Variants in VGLL4 observed in about 807,000 individuals in gnomAD.
The protein encoded by VGLL4 is vestigial like family member 4, also known as transcription cofactor vestigial-like protein 4.
Under a neutral mutation model 21.0 loss-of-function variants are expected in VGLL4, and 7 were observed. That is an observed-to-expected ratio of 0.33 (90% CI 0.19 to 0.63). The LOEUF (loss-of-function observed/expected upper bound fraction) is 0.63. VGLL4 is among the 20% of genes least tolerant of loss of function. The pLI, the probability that VGLL4 is intolerant of heterozygous loss-of-function variation, is 0.78. For synonymous variants in VGLL4, 222 were observed against 173.2 expected, an observed-to-expected ratio of 1.28 and a Z score of -2.21; for missense variants, 394 against 425.7, an observed-to-expected ratio of 0.93 and a Z score of 0.66.
chr3:11,626,482 A>G, intron 1 of VGLL4: 6 of 452,638 alleles, frequency 1.3e-5, no homozygotes, highest in South Asian at 9.4e-5. Context: ...CTCATGACAC[A>G]AAAGATCTGG....
chr3:11,594,008 T>G (rs7628261), intron 2 of VGLL4, among the ~76,000 whole-genome samples: 78,254 of 152,108 alleles, frequency 0.51, 22,726 homozygotes, highest in Non-Finnish European at 0.68. Context: ...AAATATATAC[T>G]GCTGATCAAA....
chr3:11,581,900 G>A (rs755077640), intron 2 of VGLL4, among the ~76,000 whole-genome samples: 2 of 152,236 alleles, frequency 1.3e-5, no homozygotes, highest in Admixed American at 1.3e-4. Context: ...ATGCACCATT[G>A]TCTAGAGGCG....
At chr3:11,589,315 C>T (rs552249689) in intron 2 of VGLL4, among the ~76,000 whole-genome samples, 31 of 152,196 alleles carry the variant, frequency 2.0e-4, no homozygotes, top group South Asian at 1.2e-3. Flanking sequence ...TAAGCAGGCA[C>T]AGGGTCAAAG....
intron 2 of VGLL4, among the ~76,000 whole-genome samples, chr3:11,575,329 G>A (rs1455741155): frequency 6.6e-6 from 1 of 152,226 alleles, no homozygotes; most frequent in South Asian, 2.1e-4. Flanking sequence ...AGGGTTTCCA[G>A]TCACTGTGCT....
At chr3:11,608,781 T>C (rs2075000073) in intron 1 of VGLL4, among the ~76,000 whole-genome samples, 1 of 152,204 alleles carries the variant, frequency 6.6e-6, no homozygotes, top group African/African-American at 2.4e-5. Context: ...CAGCCAAGAT[T>C]GCTTCTTTTT....
intron 2 of VGLL4, among the ~76,000 whole-genome samples, chr3:11,567,108 T>C (rs2073572286): frequency 6.6e-6 from 1 of 152,086 alleles, no homozygotes; most frequent in South Asian, 2.1e-4. Flanking sequence ...GGCTGTGATG[T>C]TGTGATGTCA....
At chr3:11,701,171 G>A (rs1215171395) in intron 2 of VGLL4, among the ~76,000 whole-genome samples, 2 of 152,096 alleles carry the variant, frequency 1.3e-5, no homozygotes, top group Non-Finnish European at 1.5e-5. Context: ...TGGGTCATGG[G>A]GGTGGATCCC....
chr3:11,563,818 A>G (rs1366845828), intron 3 of VGLL4, among the ~76,000 whole-genome samples: 1 of 152,222 alleles, frequency 6.6e-6, no homozygotes, highest in African/African-American at 2.4e-5. Flanking sequence ...CTCTGAGGCA[A>G]GATGGGCAAC....
At chr3:11,687,978 CTTA>C (rs1296965679) in intron 2 of VGLL4, among the ~76,000 whole-genome samples, 40 of 152,060 alleles carry the variant, frequency 2.6e-4, no homozygotes, top group African/African-American at 9.7e-5. Context: ...TGATTTACAT[CTTA>C]TTGTTTTTAT....
At chr3:11,573,323 GAAAGAAAGAAAGAAAGAAAGAAAGAAAGA>G (rs2073913997) in intron 2 of VGLL4, among the ~76,000 whole-genome samples, 28 of 34,438 alleles carry the variant, frequency 8.1e-4, no homozygotes, top group East Asian at 4.3e-3. Context: ...AAGGAAGAAA[GAAAGAAAGAAAGAAAGAAAGAAAGAAAGA>G]AAGAAAGAAA....
chr3:11,671,429 A>C (rs749833177), intron 2 of VGLL4: 2 of 776,614 alleles, frequency 2.6e-6, no homozygotes, highest in African/African-American at 1.7e-5. Flanking sequence ...AGAGGTAGAA[A>C]ACACAGTTGT....
chr3:11,612,037 G>T (rs1047769755), intron 1 of VGLL4: 6 of 151,802 alleles, frequency 4.0e-5, no homozygotes, highest in African/African-American at 1.5e-4. Context: ...AATTTTACAG[G>T]GGCTGAAGGG....
In VGLL4 at chr3:11,643,793, C is replaced by A; in HGVS notation, c.-275G>T. The A allele has an allele frequency of 1.7e-6, 2 of 1,157,504 alleles. No individual in the cohort carries two copies. Among genetic ancestry groups the A allele is most frequent in the South Asian group, 2.9e-5 (1 of 34,818 alleles). 71.7% of individuals were successfully genotyped at this position (1,157,504 alleles called of 1,614,324 possible). The stretch of plus-strand genomic sequence containing the variant: ...GAAAACAGCGTTTCAGAAGTCCTTA[C>A]AAGTCCTTCCTGGAAATGGAAAAGA... On this transcript the variant is annotated 5_prime_UTR_variant, in exon 1 of 5. Transcript: ENST00000430365.
intron 1 of VGLL4, among the ~76,000 whole-genome samples, chr3:11,610,088 T>C (rs1163139245): frequency 6.6e-6 from 1 of 152,148 alleles, no homozygotes; most frequent in Non-Finnish European, 1.5e-5. Context: ...GCTGCACTGA[T>C]GTGTCTCCTT....
chr3:11,682,956 G>A (rs754828068), intron 2 of VGLL4, among the ~76,000 whole-genome samples: 30 of 152,074 alleles, frequency 2.0e-4, no homozygotes, highest in Non-Finnish European at 3.4e-4. Context: ...GGCCAGGCGC[G>A]GTGGTTCACA....
chr3:11,634,428 T>C (rs1323886874), intron 1 of VGLL4, among the ~76,000 whole-genome samples: 2 of 152,184 alleles, frequency 1.3e-5, no homozygotes. Context: ...ACCGTCAGAA[T>C]TTGCCTTACC....
chr3:11,556,092 G>C lies in VGLL4; in HGVS notation c.*2464C>G, dbSNP rs1045829962. 6.6e-6 allele frequency: 1 copy of C among 152,640 alleles called. No individual in the cohort carries two copies. The highest frequency in any genetic ancestry group is 6.5e-5 in the Admixed American group (1 of 15,270). The allele number at this position is 152,640 out of a possible 1,614,324, so 9.5% of individuals were successfully genotyped here. On this transcript the variant is annotated 3_prime_UTR_variant, in exon 5 of 5. Coordinates refer to ENST00000430365, the MANE Select transcript of VGLL4 (RefSeq NM_001128219.3). ...TGTGGTTTAAGAGCACTTTATTATT[G>C]TTCTTAAGGCTACTTTTAAGTACAA...
intron 2 of VGLL4, among the ~76,000 whole-genome samples, chr3:11,570,634 T>C (rs1346309404): frequency 6.6e-6 from 1 of 152,192 alleles, no homozygotes; most frequent in African/African-American, 2.4e-5. Flanking sequence ...TTGTGGCAAA[T>C]GACAAGGGAG....
At chr3:11,614,145 G>A (rs1352794832) in intron 1 of VGLL4, among the ~76,000 whole-genome samples, 7 of 152,286 alleles carry the variant, frequency 4.6e-5, no homozygotes, top group East Asian at 1.9e-4. Flanking sequence ...TTCCATGCAC[G>A]TTTCTCCCTC....
Sources: gnomAD v4.1 joint callset for allele counts (sites outside exome capture counted in the v4.1 genomes callset) on GRCh38, gnomAD v4.1.1 for gene constraint, MANE v1.5 for transcripts, NCBI Gene and HGNC (gene_info 2026-07-23, HGNC 2026-07-21) for gene names.